The following GRAMD1B variants were observed in gnomAD, a reference collection of about 807,000 sequenced individuals.
GRAMD1B encodes protein Aster-B.
GRAMD1B carries 37 observed loss-of-function variants against 99.7 expected under a neutral mutation model. The observed-to-expected ratio is 0.37, with a 90% CI of 0.29 to 0.49. GRAMD1B has a LOEUF of 0.49. Ranked by LOEUF, GRAMD1B falls within the 20% of genes least tolerant of loss-of-function variation. The pLI is 0.98. For synonymous variants in GRAMD1B, 427 were observed against 387.6 expected (o/e 1.10, Z -1.19); for missense variants, 888 against 1,009.2 (o/e 0.88, Z 1.63).
At chr11:123,441,010 C>G (rs956929804) in intron 1 of GRAMD1B, among the ~76,000 whole-genome samples, 1 of 152,122 alleles carries the variant, frequency 6.6e-6, no homozygotes, top group African/African-American at 2.4e-5. Context: ...GTGAGATGTG[C>G]CTTTCACCTT....
chr11:123,577,428 C>T lies in GRAMD1B; in HGVS notation c.514C>T (p.Arg172Cys), dbSNP rs537927876. The change falls in exon 3 of 20, where the codon CGC becomes TGC. Residue 172 changes from arginine (R) to cysteine (C), a missense_variant. Physicochemically the swap from Arg to Cys is radical, Grantham distance 180. Coordinates refer to ENST00000635736, the MANE Select transcript of GRAMD1B (RefSeq NM_001387025.1). ...ACSPILRKRS[R>C]SPTPQNQDGD... ...CTCGCCCATCCTCCGGAAGCGGTCT[C>T]GCTCGCCAACCCCGCAGAACCAGGA... is the stretch of plus-strand genomic sequence containing the variant. 3 of 1,600,972 alleles carry T rather than the reference C, an allele frequency of 1.9e-6. No homozygotes were observed. The highest frequency in any genetic ancestry group is 2.6e-6 in the Non-Finnish European group (3 of 1,174,192).
chr11:123,478,386 T>G (rs1407394559), intron 1 of GRAMD1B, among the ~76,000 whole-genome samples: 1 of 152,246 alleles, frequency 6.6e-6, no homozygotes, highest in African/African-American at 2.4e-5. Context: ...ACTTGTTGGA[T>G]GCATGTAGTT....
chr11:123,464,955 C>A (rs576588212), intron 1 of GRAMD1B, among the ~76,000 whole-genome samples: 1 of 151,568 alleles, frequency 6.6e-6, no homozygotes, highest in Non-Finnish European at 1.5e-5. Context: ...GTGTGGGAGG[C>A]GGGAAGGGGT....
At chr11:123,395,967 GAAGAC>G (rs1947443585) in intron 1 of GRAMD1B, among the ~76,000 whole-genome samples, 1 of 152,182 alleles carries the variant, frequency 6.6e-6, no homozygotes, top group Non-Finnish European at 1.5e-5. Context: ...ATAAAGACTA[GAAGAC>G]TGTAATCTAT....
intron 2 of GRAMD1B, among the ~76,000 whole-genome samples, chr11:123,554,213 A>G (rs192641711): frequency 1.0e-3 from 156 of 152,300 alleles, no homozygotes; most frequent in African/African-American, 3.5e-3. Context: ...AATGTATAAA[A>G]TCCCTGCCTG....
At chr11:123,552,085 A>T (rs1396481530) in intron 2 of GRAMD1B, among the ~76,000 whole-genome samples, 2 of 151,932 alleles carry the variant, frequency 1.3e-5, no homozygotes, top group Admixed American at 6.6e-5. Flanking sequence ...TCCTGATCAC[A>T]CATGGGGCCC....
At chr11:123,619,304 G>A (rs992015834) in intron 19 of GRAMD1B, 80 bp downstream of exon 19, 31 of 1,535,624 alleles carry the variant, frequency 2.0e-5, no homozygotes, top group Non-Finnish European at 2.7e-5. Flanking sequence ...AAAGATCCTC[G>A]TCTCTATCAC....
chr11:123,578,466 C>T (rs2136243453), intron 3 of GRAMD1B: 1 of 1,468,574 alleles, frequency 6.8e-7, no homozygotes, highest in East Asian at 2.5e-5. Flanking sequence ...TTTATCTCCC[C>T]TCTAGTGTCG....
intron 1 of GRAMD1B, among the ~76,000 whole-genome samples, chr11:123,444,372 A>G (rs1949543137): frequency 6.6e-6 from 1 of 152,094 alleles, no homozygotes; most frequent in South Asian, 2.1e-4. Context: ...CACACCTATA[A>G]TCGCAGCACT....
rs1406405547 is a variant in GRAMD1B at position 123,595,972 on chromosome 11, A to G, written c.904A>G (p.Met302Val). 2 of 1,609,074 alleles carry G rather than the reference A, an allele frequency of 1.2e-6. No individual in the cohort carries two copies. The highest frequency in any genetic ancestry group is 1.3e-5 in the African/African-American group (1 of 74,998). ...LTVRLKDICS[M>V]TKEKTARLIP... ...AGTCCGTTTGAAAGACATCTGTTCC[A>G]TGACTAAAGAAAAAACAGCTCGCCT... The change falls in exon 7 of 20, where the codon ATG becomes GTG. Residue 302 changes from methionine to valine, a missense_variant. By Grantham distance (21) the Met-to-Val change is conservative (BLOSUM62 1). This residue lies in a region of GRAMD1B where 62 missense variants were observed against 139.4 expected (regional missense o/e 0.44). Transcript: ENST00000635736.
chr11:123,486,351 C>G (rs536506150), intron 2 of GRAMD1B, among the ~76,000 whole-genome samples: 42 of 152,100 alleles, frequency 2.8e-4, no homozygotes, highest in Admixed American at 2.4e-3. Context: ...AGTTTGAGAC[C>G]AGCCTGAGAA....
At chr11:123,441,347 C>T (rs2134266731) in intron 1 of GRAMD1B, among the ~76,000 whole-genome samples, 1 of 152,232 alleles carries the variant, frequency 6.6e-6, no homozygotes. Context: ...GACAAAATCT[C>T]AGCATGCAGG....
intron 2 of GRAMD1B, among the ~76,000 whole-genome samples, chr11:123,490,673 A>G (rs530996964): frequency 6.6e-6 from 1 of 152,310 alleles, no homozygotes; most frequent in East Asian, 1.9e-4. Flanking sequence ...TTGGGTACAT[A>G]TGGGTGTGAG....
At chr11:123,602,241 T>C (rs1161435055) in intron 8 of GRAMD1B, among the ~76,000 whole-genome samples, 1 of 152,214 alleles carries the variant, frequency 6.6e-6, no homozygotes, top group Non-Finnish European at 1.5e-5. Flanking sequence ...TAGCTCATTG[T>C]ACTCTGCCAG....
At position 123,598,516 on chromosome 11, in the gene GRAMD1B, C is replaced by T; in HGVS notation, c.970-1952C>T. ...GCAATGTCTTTGTTCCTCTCAGTGT[C>T]TTACTTGGTGCCCTTTGACTTGGGA... On this transcript the variant is annotated intron_variant, in intron 7 of 19. Coordinates refer to ENST00000635736, the MANE Select transcript of GRAMD1B (RefSeq NM_001387025.1). The T allele has an allele frequency of 8.4e-6, 12 of 1,425,492 alleles. No individual in the cohort carries two copies. In the South Asian group the frequency reaches 1.4e-4, roughly 16 times the overall value. 88.3% of individuals were successfully genotyped at this position (1,425,492 alleles called of 1,614,324 possible).
At chr11:123,446,957 GAGAGAA>G (rs1217828548) in intron 1 of GRAMD1B, among the ~76,000 whole-genome samples, 2 of 151,976 alleles carry the variant, frequency 1.3e-5, no homozygotes, top group African/African-American at 2.4e-5. Context: ...AAGGGAGAAA[GAGAGAA>G]AGAGAAAGAG....
Position 123,559,694 on chromosome 11 carries a change from A to T in GRAMD1B, c.453-17673A>T, listed in dbSNP as rs2135976296. On this transcript the variant is annotated intron_variant, in intron 2 of 19. Coordinates refer to ENST00000635736, the MANE Select transcript of GRAMD1B (RefSeq NM_001387025.1). ...GACGACTCTGCTTTGCCACGAATGT[A>T]AGTGCTTTCCCTGAGTGTTACTCTT... 3 of 984,888 alleles carry T rather than the reference A, an allele frequency of 3.0e-6. No homozygotes were observed. The South Asian group carries it at 1.4e-4, about 46-fold the overall frequency. 61.0% of individuals were successfully genotyped at this position (984,888 alleles called of 1,614,324 possible).
At chr11:123,473,255 G>A (rs1951102528) in intron 1 of GRAMD1B, among the ~76,000 whole-genome samples, 1 of 152,024 alleles carries the variant, frequency 6.6e-6, no homozygotes, top group South Asian at 2.1e-4. Flanking sequence ...GTAGAGACGG[G>A]GTTTCACCAT....
chr11:123,399,178 C>T (rs1475335494), intron 1 of GRAMD1B, among the ~76,000 whole-genome samples: 7 of 152,150 alleles, frequency 4.6e-5, no homozygotes, highest in East Asian at 1.9e-4. Context: ...AGTGAGATCA[C>T]GCATTATTTG....
Sources: gnomAD v4.1 joint callset for allele counts (sites outside exome capture counted in the v4.1 genomes callset) on GRCh38, gnomAD v4.1.1 for gene constraint, gnomAD v4.1.1 regional missense constraint, MANE v1.5 for transcripts, NCBI Gene and HGNC (gene_info 2026-07-23, HGNC 2026-07-21) for gene names.